Variants in NCKAP5 observed in about 807,000 individuals in gnomAD.
The protein encoded by NCKAP5 is nck-associated protein 5.
Under a neutral mutation model 167.0 loss-of-function variants are expected in NCKAP5, and 92 were observed. That is an observed-to-expected ratio of 0.55 (90% CI 0.47 to 0.66). The LOEUF (loss-of-function observed/expected upper bound fraction) is 0.66, where lower values mean the gene tolerates loss of function less well. NCKAP5 is among the 30% of genes least tolerant of loss of function. The probability of loss-of-function intolerance (pLI) is 0.00; values close to 1 mark genes in which losing one functional copy is unlikely to be tolerated. For missense variants in NCKAP5, 2,378 were observed against 2,315.0 expected (o/e 1.03, Z -0.56); for synonymous variants, 891 against 877.4 (o/e 1.02, Z -0.27).
At chr2:133,249,485 T>A (rs1296902640) in intron 4 of NCKAP5, among the ~76,000 whole-genome samples, 1 of 152,172 alleles carries the variant, frequency 6.6e-6, no homozygotes, top group South Asian at 2.1e-4. Flanking sequence ...GATAATACAT[T>A]TCTTTTGTCT....
In NCKAP5 at chr2:132,732,068, G is replaced by C. The variant is rs2105489086; in HGVS notation, c.5129-17C>G. 6.3e-7 allele frequency: 1 copy of C among 1,594,262 alleles called. No individual in the cohort carries two copies. Among genetic ancestry groups the C allele is most frequent in the Non-Finnish European group, 8.6e-7 (1 of 1,167,834 alleles). On this transcript the variant is annotated splice_polypyrimidine_tract_variant and intron_variant, in intron 16 of 19. Coordinates refer to ENST00000409261, the MANE Select transcript of NCKAP5 (RefSeq NM_207363.3). The stretch of plus-strand genomic sequence containing the variant: ...AGTTGGATTCTGAGATAGAGAGACA[G>C]AGAGAGAAGGGAATAGAGAAGGCTC...
At chr2:133,113,828 A>G (rs919236537) in intron 6 of NCKAP5, among the ~76,000 whole-genome samples, 2 of 152,298 alleles carry the variant, frequency 1.3e-5, no homozygotes, top group South Asian at 4.1e-4. Context: ...TAATGGGAAC[A>G]TGGAGCTGGG....
At chr2:133,553,586 A>T (rs1687532376) in intron 2 of NCKAP5, among the ~76,000 whole-genome samples, 1 of 152,150 alleles carries the variant, frequency 6.6e-6, no homozygotes, top group African/African-American at 2.4e-5. Flanking sequence ...TGATGATAGA[A>T]GACATTCCCA....
chr2:133,142,091 T>G (rs1303414443), intron 5 of NCKAP5, among the ~76,000 whole-genome samples: 1 of 152,186 alleles, frequency 6.6e-6, no homozygotes, highest in Non-Finnish European at 1.5e-5. Flanking sequence ...ATCATTTTTA[T>G]GAGGAAATCA....
chr2:133,155,375 A>G (rs2083535394), intron 5 of NCKAP5, among the ~76,000 whole-genome samples: 1 of 152,156 alleles, frequency 6.6e-6, no homozygotes, highest in Non-Finnish European at 1.5e-5. Flanking sequence ...TACTGCTGGG[A>G]TGGGGCTGAG....
At position 133,008,559 on chromosome 2, in the gene NCKAP5, T is replaced by C. The variant is rs190704460; in HGVS notation, c.342-14320A>G. ...TGGCAAGGAAAATGGAAGAGGTGATTTCTGTCCTGGTTTCTTGTAGTGTTG... is the reference window on the plus strand; with the variant it reads ...TGGCAAGGAAAATGGAAGAGGTGATCTCTGTCCTGGTTTCTTGTAGTGTTG... On this transcript the variant is annotated intron_variant, in intron 6 of 19. Transcript: ENST00000409261. Among the ~76,000 whole-genome samples the C allele has an allele frequency of 3.2e-3, 492 of 152,296 alleles. 4 individuals are homozygous for C. The highest frequency in any genetic ancestry group is 0.011 in the African/African-American group (446 of 41,554).
intron 2 of NCKAP5, among the ~76,000 whole-genome samples, chr2:133,546,477 T>C (rs1394229682): frequency 6.6e-6 from 1 of 152,146 alleles, no homozygotes; most frequent in East Asian, 1.9e-4. Context: ...ACTTACCAGA[T>C]ATACAAGCTG....
intron 3 of NCKAP5, among the ~76,000 whole-genome samples, chr2:133,385,921 T>C (rs549760659): frequency 6.8e-6 from 1 of 147,776 alleles, no homozygotes; most frequent in South Asian, 2.2e-4. Context: ...ATTGCATCTA[T>C]TTGATTCTTC....
At chr2:133,670,375 G>C in the NCKAP5 span, among the ~76,000 whole-genome samples, 2 of 152,134 alleles carry the variant, frequency 1.3e-5, no homozygotes, top group East Asian at 3.9e-4. Context: ...GAAAAAGAAG[G>C]TATGTTTCAA....
chr2:132,951,996 G>A (rs933501081), intron 8 of NCKAP5, among the ~76,000 whole-genome samples: 1 of 152,058 alleles, frequency 6.6e-6, no homozygotes, highest in South Asian at 2.1e-4. Flanking sequence ...GATATACTAG[G>A]CTTTAACTTA....
chr2:133,084,444 G>A lies in NCKAP5; in HGVS notation c.341+45534C>T, dbSNP rs1222496166. On this transcript the variant is annotated intron_variant, in intron 6 of 19. Coordinates refer to ENST00000409261, the MANE Select transcript of NCKAP5 (RefSeq NM_207363.3). ...GATTCTATTTACTGTGTGACCTAGA[G>A]CAAGCTTCTGAAACCAGCAGAATCT... Among the ~76,000 whole-genome samples the A allele has an allele frequency of 2.0e-5, 3 of 152,132 alleles. No individual in the cohort carries two copies. In the East Asian group the frequency reaches 5.8e-4, roughly 29 times the overall value.
intron 16 of NCKAP5, among the ~76,000 whole-genome samples, chr2:132,762,325 G>A (rs147792057): frequency 1.3e-4 from 20 of 150,682 alleles, no homozygotes; most frequent in African/African-American, 2.7e-4. Flanking sequence ...AGGTTTTTGC[G>A]CTGAGGCATA....
At chr2:133,131,356 T>C (rs2082596922) in intron 5 of NCKAP5, among the ~76,000 whole-genome samples, 2 of 152,220 alleles carry the variant, frequency 1.3e-5, no homozygotes, top group African/African-American at 4.8e-5. Context: ...CCCTCATCAC[T>C]GCATTTCCTC....
intron 5 of NCKAP5, among the ~76,000 whole-genome samples, chr2:133,175,659 G>T (rs1021718690): frequency 6.6e-6 from 1 of 152,152 alleles, no homozygotes; most frequent in African/African-American, 2.4e-5. Context: ...GGAGTCACTA[G>T]TAAGAAGGAA....
intron 4 of NCKAP5, among the ~76,000 whole-genome samples, chr2:133,230,580 T>C (rs1234842641): frequency 6.6e-6 from 1 of 152,190 alleles, no homozygotes; most frequent in Non-Finnish European, 1.5e-5. Flanking sequence ...AAACTTCTTC[T>C]CTTCAATGCT....
intron 8 of NCKAP5, among the ~76,000 whole-genome samples, chr2:132,907,666 C>CT (rs901705536): frequency 1.1e-4 from 16 of 150,772 alleles, no homozygotes; most frequent in African/African-American, 2.7e-4. Flanking sequence ...ATTCTTTTTT[C>CT]TTTTTTTTTG....
At chr2:133,068,133 T>C (rs1250249808) in intron 6 of NCKAP5, among the ~76,000 whole-genome samples, 3 of 152,210 alleles carry the variant, frequency 2.0e-5, no homozygotes, top group East Asian at 1.9e-4. Context: ...ACTCTAGTAG[T>C]AGATGCATCT....
chr2:133,572,438 G>A (rs571627054), upstream of NCKAP5, among the ~76,000 whole-genome samples: 25 of 152,288 alleles, frequency 1.6e-4, no homozygotes, highest in African/African-American at 6.0e-4. Flanking sequence ...CAAGTGCAAA[G>A]ACCATGGGAA....
chr2:133,257,625 A>C (rs190312831), intron 4 of NCKAP5, among the ~76,000 whole-genome samples: 3 of 152,234 alleles, frequency 2.0e-5, no homozygotes, highest in Non-Finnish European at 2.9e-5. Flanking sequence ...GGGAAAAAGA[A>C]AATCATTATT....
Sources: gnomAD v4.1 joint callset for allele counts (sites outside exome capture counted in the v4.1 genomes callset) on GRCh38, gnomAD v4.1.1 for gene constraint, MANE v1.5 for transcripts, NCBI Gene and HGNC (gene_info 2026-07-23, HGNC 2026-07-21) for gene names.